Variants in STK32B observed in about 807,000 individuals in gnomAD.
The protein encoded by STK32B is serine/threonine-protein kinase 32B.
A neutral mutation model predicts 52.6 loss-of-function variants in STK32B; 43 were observed. The observed-to-expected ratio is 0.82, with a 90% CI of 0.64 to 1.05. STK32B has a LOEUF of 1.05. Ranked by LOEUF, STK32B falls within the 50% of genes least tolerant of loss-of-function variation. The pLI is 0.00. For synonymous variants in STK32B, 238 were observed against 204.3 expected (o/e 1.17, Z -1.41); for missense variants, 621 against 534.6 (o/e 1.16, Z -1.59).
Position 5,400,821 on chromosome 4 carries a change from C to T in STK32B, c.472+2577C>T, listed in dbSNP as rs1273206979. ...TTTGTCTTTCCCTCAGTAAACATCT[C>T]TTGAGCACCTGCTGTGTGCCAAGTT... On this transcript the variant is annotated intron_variant, in intron 5 of 11. Coordinates refer to ENST00000282908, the MANE Select transcript of STK32B (RefSeq NM_018401.3). The surrounding 1 kb of genome is among the most constrained non-coding windows in gnomAD (Gnocchi z 6.1). Among the ~76,000 whole-genome samples the T allele has an allele frequency of 6.6e-6, 1 of 152,180 alleles. No individual in the cohort carries two copies. Among genetic ancestry groups the T allele is most frequent in the Non-Finnish European group, 1.5e-5 (1 of 68,042 alleles).
At chr4:5,263,263 T>C (rs28540050) in intron 3 of STK32B, among the ~76,000 whole-genome samples, 38 of 152,302 alleles carry the variant, frequency 2.5e-4, no homozygotes, top group African/African-American at 9.1e-4. Flanking sequence ...ATCCGTGCAG[T>C]CCCATATAAT....
At chr4:5,317,975 TGAG>T (rs1468014358) in intron 3 of STK32B, among the ~76,000 whole-genome samples, 2 of 152,134 alleles carry the variant, frequency 1.3e-5, no homozygotes, top group Admixed American at 6.5e-5. Context: ...TCAGAAACTC[TGAG>T]GTGAGGCCAG....
intron 3 of STK32B, among the ~76,000 whole-genome samples, chr4:5,236,777 A>T (rs1724668962): frequency 2.0e-5 from 3 of 152,098 alleles, no homozygotes. Flanking sequence ...TATTCATTCT[A>T]CTGTTGATGG....
intron 3 of STK32B, among the ~76,000 whole-genome samples, chr4:5,301,812 TG>T (rs1729578685): frequency 1.4e-5 from 2 of 147,796 alleles, no homozygotes. Context: ...CTCTAATCTT[TG>T]TCATTTCCTT....
intron 6 of STK32B, among the ~76,000 whole-genome samples, chr4:5,429,516 A>G (rs915118300): frequency 4.0e-5 from 6 of 150,634 alleles, no homozygotes; most frequent in Non-Finnish European, 5.9e-5. Context: ...GTGTAATCTT[A>G]TAATATACCC....
At chr4:5,120,189 C>G (rs981764094) in intron 1 of STK32B, among the ~76,000 whole-genome samples, 1 of 152,174 alleles carries the variant, frequency 6.6e-6, no homozygotes, top group African/African-American at 2.4e-5. Flanking sequence ...TTGACGTAAT[C>G]TGCTCCTGAC....
intron 6 of STK32B, among the ~76,000 whole-genome samples, chr4:5,427,531 G>A (rs2109086374): frequency 6.6e-6 from 1 of 152,258 alleles, no homozygotes; most frequent in East Asian, 1.9e-4. Flanking sequence ...TTCTTTGAGG[G>A]AAAGTTTTTC....
At chr4:5,092,407 C>A (rs987246577) in intron 1 of STK32B, among the ~76,000 whole-genome samples, 2 of 152,104 alleles carry the variant, frequency 1.3e-5, no homozygotes, top group African/African-American at 4.8e-5. Context: ...TGGTGGGCAC[C>A]TGTAGTCCCA....
intron 4 of STK32B, among the ~76,000 whole-genome samples, chr4:5,348,643 C>T (rs559074182): frequency 1.3e-5 from 2 of 152,322 alleles, no homozygotes; most frequent in Non-Finnish European, 2.9e-5. Flanking sequence ...CTGCCGCTAA[C>T]AGCATCCCCA....
At chr4:5,240,236 A>G (rs534831053) in intron 3 of STK32B, among the ~76,000 whole-genome samples, 9 of 151,124 alleles carry the variant, frequency 6.0e-5, no homozygotes, top group African/African-American at 2.2e-4. Flanking sequence ...CATCCCCGAG[A>G]CTCCTACCAC....
At chr4:5,299,541 A>G (rs1054707445) in intron 3 of STK32B, among the ~76,000 whole-genome samples, 1 of 151,844 alleles carries the variant, frequency 6.6e-6, no homozygotes, top group Non-Finnish European at 1.5e-5. Context: ...CCCATTGTTT[A>G]TTTTTGCTTG....
chr4:5,319,025 C>T (rs10026351), intron 3 of STK32B, among the ~76,000 whole-genome samples: 10,986 of 151,994 alleles, frequency 0.072, 420 homozygotes, highest in South Asian at 0.098. Context: ...AGGATGGTCT[C>T]GATCTCCTGA....
At chr4:5,468,109 C>T (rs754886216) in intron 11 of STK32B, 39 bp downstream of exon 11, 6 of 1,605,142 alleles carry the variant, frequency 3.7e-6, no homozygotes, top group Admixed American at 1.7e-5. Context: ...CAAAGCCTGT[C>T]CTAAGTGACC....
In STK32B at chr4:5,400,990, G is replaced by C. The variant is rs932025899; in HGVS notation, c.472+2746G>C. 6.6e-6 allele frequency among the ~76,000 whole-genome samples: 1 copy of C among 152,138 alleles called. No homozygotes were observed. Among genetic ancestry groups the C allele is most frequent in the Admixed American group, 6.5e-5 (1 of 15,282 alleles). On this transcript the variant is annotated intron_variant, in intron 5 of 11. Coordinates refer to ENST00000282908, the MANE Select transcript of STK32B (RefSeq NM_018401.3). The surrounding 1 kb of genome is among the most constrained non-coding windows in gnomAD (Gnocchi z 6.1). ...GTGCGGGGTTGTCTTAGAGGCAGCCGCATGACAGTGGGATCCTGAAGGCAT... is the reference window on the plus strand; with the variant it reads ...GTGCGGGGTTGTCTTAGAGGCAGCCCCATGACAGTGGGATCCTGAAGGCAT...
chr4:5,466,897 C>T, intron 10 of STK32B, 63 bp downstream of exon 10: 2 of 1,550,128 alleles, frequency 1.3e-6, no homozygotes, highest in South Asian at 2.5e-5. Flanking sequence ...AATGACTGAG[C>T]CAGGCCACTG....
At chr4:5,366,519 G>T (rs1734891066) in intron 4 of STK32B, among the ~76,000 whole-genome samples, 1 of 152,192 alleles carries the variant, frequency 6.6e-6, no homozygotes, top group African/African-American at 2.4e-5. Context: ...TAACACAGAA[G>T]ATTCTGGATG....
chr4:5,143,648 C>T (rs894340048), intron 2 of STK32B, among the ~76,000 whole-genome samples: 8 of 152,148 alleles, frequency 5.3e-5, no homozygotes, highest in African/African-American at 1.7e-4. Flanking sequence ...CCTCTCGCCT[C>T]CACTGTCTTT....
At chr4:5,224,906 G>A (rs1723768776) in intron 3 of STK32B, among the ~76,000 whole-genome samples, 2 of 152,074 alleles carry the variant, frequency 1.3e-5, no homozygotes, top group Admixed American at 1.3e-4. Context: ...TTGGCAAATA[G>A]TAAAAATTCA....
chr4:5,387,769 G>C (rs1736350339), intron 4 of STK32B, among the ~76,000 whole-genome samples: 1 of 152,182 alleles, frequency 6.6e-6, no homozygotes, highest in Non-Finnish European at 1.5e-5. Flanking sequence ...TTTTGAGACA[G>C]AGTTTTCTTT....
Sources: allele counts gnomAD v4.1 joint callset (sites outside exome capture counted in the v4.1 genomes callset), GRCh38; gene constraint gnomAD v4.1.1; non-coding constraint Gnocchi (gnomAD v3.1); transcripts MANE v1.5; gene names NCBI Gene and HGNC (gene_info 2026-07-23, HGNC 2026-07-21).